The following GREB1L variants were observed in gnomAD, a reference collection of about 807,000 sequenced individuals.
GREB1L encodes GREB1-like protein.
A neutral mutation model predicts 200.8 loss-of-function variants in GREB1L; 17 were observed. The ratio of observed to expected loss-of-function variants is 0.08; its 90% CI spans 0.06 to 0.13. GREB1L has a LOEUF of 0.13. Ranked by LOEUF, GREB1L falls within the 10% of genes least tolerant of loss-of-function variation. The pLI is 1.00. For synonymous variants in GREB1L, 789 were observed against 893.0 expected (o/e 0.88, Z 2.08); for missense variants, 1,657 against 2,367.7 (o/e 0.70, Z 6.23).
intron 1 of GREB1L, among the ~76,000 whole-genome samples, chr18:21,307,550 C>T (rs1330100702): frequency 6.6e-6 from 1 of 152,050 alleles, no homozygotes; most frequent in African/African-American, 2.4e-5. Context: ...TGAATTGGCA[C>T]CTTGAAAATT....
chr18:21,299,227 T>G (rs1216837987), intron 1 of GREB1L, among the ~76,000 whole-genome samples: 1 of 147,664 alleles, frequency 6.8e-6, no homozygotes, highest in Non-Finnish European at 1.5e-5. Flanking sequence ...GCAGTGAGCC[T>G]AGATTGTGCC....
At chr18:21,373,588 C>A (rs1048030494) in intron 2 of GREB1L, among the ~76,000 whole-genome samples, 1 of 152,184 alleles carries the variant, frequency 6.6e-6, no homozygotes, top group African/African-American at 2.4e-5. Context: ...CCCGCCTTGG[C>A]CTCCCAAAGT....
rs2037649818 is a variant in GREB1L at position 21,524,307 on chromosome 18, C to G, written c.*1486C>G. The G allele has an allele frequency of 6.6e-6, 1 of 152,148 alleles. No homozygotes were observed. Among genetic ancestry groups the G allele is most frequent in the African/African-American group, 2.4e-5 (1 of 41,438 alleles). 9.4% of individuals were successfully genotyped at this position (152,148 alleles called of 1,614,324 possible). ...TAGTGAAAAAATGGAATGTATTAGA[C>G]TAAAAATGGTTTGCAGATCTCTTGG... is the stretch of plus-strand genomic sequence containing the variant. On this transcript the variant is annotated 3_prime_UTR_variant, in exon 33 of 33. Coordinates refer to ENST00000424526, the MANE Select transcript of GREB1L (RefSeq NM_001142966.3).
intron 5 of GREB1L, among the ~76,000 whole-genome samples, chr18:21,398,987 CT>C: frequency 6.6e-6 from 1 of 152,302 alleles, no homozygotes; most frequent in South Asian, 2.1e-4. Flanking sequence ...CTGTAGGATT[CT>C]AACTCTTTTA....
chr18:21,398,289 A>T (rs549438307), intron 5 of GREB1L, among the ~76,000 whole-genome samples: 1 of 152,322 alleles, frequency 6.6e-6, no homozygotes, highest in South Asian at 2.1e-4. Context: ...TAGATTGCTC[A>T]TGCATATAAT....
At chr18:21,330,580 A>T (rs193087025) in intron 1 of GREB1L, among the ~76,000 whole-genome samples, 1 of 152,258 alleles carries the variant, frequency 6.6e-6, no homozygotes, top group Non-Finnish European at 1.5e-5. Context: ...CTTGAAACTG[A>T]CCTATACTGC....
chr18:21,276,274 C>G (rs1164398712), intron 1 of GREB1L, among the ~76,000 whole-genome samples: 3 of 152,160 alleles, frequency 2.0e-5, no homozygotes, highest in Non-Finnish European at 4.4e-5. Context: ...TTTTTAAGAC[C>G]CATTCTCTGA....
In GREB1L at chr18:21,513,804, G is replaced by A. The variant is rs755866295; in HGVS notation, c.4736-17G>A. The A allele has an allele frequency of 1.1e-5, 17 of 1,549,798 alleles. No homozygotes were observed. In the South Asian group the frequency reaches 1.9e-4, roughly 17 times the overall value. ...AAGGATGTGTGGATATGCAGATGTG[G>A]TTATGTTGCCTTCCAGGTGCTGCCA... is the stretch of plus-strand genomic sequence containing the variant. On this transcript the variant is annotated splice_polypyrimidine_tract_variant and intron_variant, in intron 27 of 32. Transcript: ENST00000424526.
At chr18:21,403,726 C>A in intron 6 of GREB1L, 146 bp from the exon 7 acceptor site, 1 of 606,276 alleles carries the variant, frequency 1.6e-6, no homozygotes, top group Non-Finnish European at 2.9e-6. Context: ...CTGTTGGAGT[C>A]AGGATGGGGA....
At chr18:21,348,322 G>A (rs545363543) in intron 1 of GREB1L, among the ~76,000 whole-genome samples, 1 of 151,996 alleles carries the variant, frequency 6.6e-6, no homozygotes, top group Non-Finnish European at 1.5e-5. Context: ...CTCCCACCTA[G>A]GCAGTCACCA....
intron 1 of GREB1L, among the ~76,000 whole-genome samples, chr18:21,328,569 A>G (rs1387947252): frequency 2.0e-5 from 3 of 152,020 alleles, no homozygotes; most frequent in Non-Finnish European, 4.4e-5. Flanking sequence ...TCTTCATTCT[A>G]TTCTCTCACT....
At chr18:21,308,028 G>T (rs989550981) in intron 1 of GREB1L, among the ~76,000 whole-genome samples, 2 of 152,200 alleles carry the variant, frequency 1.3e-5, no homozygotes, top group African/African-American at 4.8e-5. Context: ...ATTTCTACAA[G>T]TTATGCTAAT....
At chr18:21,463,891 T>C (rs988422464) in intron 15 of GREB1L, among the ~76,000 whole-genome samples, 1 of 152,222 alleles carries the variant, frequency 6.6e-6, no homozygotes, top group African/African-American at 2.4e-5. Context: ...AATATTTTGT[T>C]GTGCCAGAAA....
In GREB1L at chr18:21,272,848, CAA is replaced by C. The variant is rs900638949; in HGVS notation, c.-120+30456_-120+30457del. Among the ~76,000 whole-genome samples, 5 of 152,198 alleles carry C rather than the reference CAA, an allele frequency of 3.3e-5. 1 individual carries two copies. Among genetic ancestry groups the C allele is most frequent in the South Asian group, 2.1e-4 (1 of 4,826 alleles). ...CCAAATAGATAAATGCATGTATTGA[CAA>C]GAGTAAAACTTCAGACTAAAAAGAG... On this transcript the variant is annotated intron_variant, in intron 1 of 32. Transcript: ENST00000424526.
chr18:21,244,360 T>G (rs2143811172), intron 1 of GREB1L, among the ~76,000 whole-genome samples: 1 of 152,292 alleles, frequency 6.6e-6, no homozygotes, highest in South Asian at 2.1e-4. Flanking sequence ...CCCATTGACA[T>G]GACATAATAT....
At chr18:21,321,723 A>G (rs982068951) in intron 1 of GREB1L, among the ~76,000 whole-genome samples, 6 of 152,166 alleles carry the variant, frequency 3.9e-5, no homozygotes, top group Non-Finnish European at 7.4e-5. Context: ...CTATGCCATT[A>G]CTAAGTAGGG....
Position 21,516,606 on chromosome 18 carries a change from A to C in GREB1L, c.5130-7A>C, listed in dbSNP as rs569028882. 251 of 1,551,074 alleles carry C rather than the reference A, an allele frequency of 1.6e-4. 1 individual carries two copies. The South Asian group carries it at 2.5e-3, about 15-fold the overall frequency. ...GGAAGAAAACTATTGTTGTGGTTAC[A>C]ATTTAGGTATTTCTGTGAAGATGCT... On this transcript the variant is annotated splice_polypyrimidine_tract_variant and splice_region_variant and intron_variant, in intron 29 of 32. Transcript: ENST00000424526.
At chr18:21,273,749 A>T (rs150909359) in intron 1 of GREB1L, among the ~76,000 whole-genome samples, 1 of 152,168 alleles carries the variant, frequency 6.6e-6, no homozygotes, top group African/African-American at 2.4e-5. Context: ...AGAATGTTTG[A>T]AGGTGCTAAG....
At chr18:21,521,058 A>G (rs940830461) in intron 32 of GREB1L, among the ~76,000 whole-genome samples, 1 of 152,060 alleles carries the variant, frequency 6.6e-6, no homozygotes, top group Non-Finnish European at 1.5e-5. Flanking sequence ...TTAGCCAGGC[A>G]TGGTGGTGTG....
Sources: allele counts gnomAD v4.1 joint callset (sites outside exome capture counted in the v4.1 genomes callset), GRCh38; gene constraint gnomAD v4.1.1; transcripts MANE v1.5; gene names NCBI Gene and HGNC (gene_info 2026-07-23, HGNC 2026-07-21).